The following COBL variants were observed in gnomAD, a reference collection of about 807,000 sequenced individuals.
COBL encodes protein cordon-bleu.
Under a neutral mutation model 98.8 loss-of-function variants are expected in COBL, and 51 were observed. The ratio of observed to expected loss-of-function variants is 0.52; its 90% CI spans 0.41 to 0.65. The LOEUF is 0.65. COBL is among the 30% of genes least tolerant of loss of function. The pLI is 0.00. For missense variants in COBL, 1,617 were observed against 1,617.5 expected, an observed-to-expected ratio of 1.00 and a Z score of 0.01; for synonymous variants, 634 against 651.7, an observed-to-expected ratio of 0.97 and a Z score of 0.41.
At chr7:51,036,292 G>A (rs1051497370) in intron 8 of COBL, among the ~76,000 whole-genome samples, 3 of 133,390 alleles carry the variant, frequency 2.2e-5, no homozygotes, top group Non-Finnish European at 4.5e-5. Flanking sequence ...AGCCAAGATC[G>A]CACCACTGCA....
intron 1 of COBL, among the ~76,000 whole-genome samples, chr7:51,262,291 C>CAGAGG (rs1197371391): frequency 7.2e-5 from 11 of 152,114 alleles, no homozygotes; most frequent in Non-Finnish European, 1.3e-4. Flanking sequence ...CAGGCAGGGA[C>CAGAGG]AGAGGAGGGG....
intron 1 of COBL, among the ~76,000 whole-genome samples, chr7:51,244,413 G>A (rs1330733626): frequency 6.6e-6 from 1 of 152,152 alleles, no homozygotes; most frequent in Non-Finnish European, 1.5e-5. Context: ...TCAATCACAC[G>A]GCCTTCTTTG....
chr7:51,063,513 G>A (rs190486364), intron 7 of COBL, among the ~76,000 whole-genome samples: 1 of 152,316 alleles, frequency 6.6e-6, no homozygotes, highest in East Asian at 1.9e-4. Context: ...GAGGGTTTGA[G>A]TGACTTCATT....
At chr7:51,222,961 C>T (rs1039522549) in intron 1 of COBL, among the ~76,000 whole-genome samples, 1 of 152,232 alleles carries the variant, frequency 6.6e-6, no homozygotes, top group South Asian at 2.1e-4. Context: ...TTTATCCACC[C>T]TCCCTCCCCA....
chr7:51,160,020 G>A (rs1002574234), intron 5 of COBL, among the ~76,000 whole-genome samples: 1 of 152,170 alleles, frequency 6.6e-6, no homozygotes, highest in Non-Finnish European at 1.5e-5. Context: ...AGCCTCCTGA[G>A]TAGCTGGGAC....
At chr7:51,039,511 G>A (rs1264187309) in intron 8 of COBL, among the ~76,000 whole-genome samples, 2 of 152,226 alleles carry the variant, frequency 1.3e-5, no homozygotes, top group Non-Finnish European at 2.9e-5. Context: ...GCTTTCGACA[G>A]GGTTCACTCC....
At chr7:51,263,341 A>G (rs1797890034) in intron 1 of COBL, among the ~76,000 whole-genome samples, 1 of 152,154 alleles carries the variant, frequency 6.6e-6, no homozygotes, top group Non-Finnish European at 1.5e-5. Flanking sequence ...AGAAGGAGGG[A>G]GCAAATGGAT....
intron 1 of COBL, among the ~76,000 whole-genome samples, chr7:51,301,310 C>T (rs1047445264): frequency 1.3e-5 from 2 of 152,208 alleles, no homozygotes; most frequent in Admixed American, 1.3e-4. Flanking sequence ...AGTGAGGGAA[C>T]TTCAACTACC....
chr7:51,285,427 G>A (rs1326188841), intron 1 of COBL, among the ~76,000 whole-genome samples: 1 of 147,688 alleles, frequency 6.8e-6, no homozygotes, highest in East Asian at 1.9e-4. Context: ...AGAGTTTAAA[G>A]CAAGCTCATG....
At chr7:51,201,069 T>C (rs917812025) in intron 2 of COBL, among the ~76,000 whole-genome samples, 5 of 151,908 alleles carry the variant, frequency 3.3e-5, no homozygotes, top group Admixed American at 1.3e-4. Context: ...TGAAACCCCA[T>C]CTTTACTAAA....
At chr7:51,262,131 C>T (rs1298409529) in intron 1 of COBL, among the ~76,000 whole-genome samples, 2 of 152,290 alleles carry the variant, frequency 1.3e-5, no homozygotes, top group Admixed American at 6.5e-5. Flanking sequence ...TCACCGCACT[C>T]ACCGCACAGC....
At chr7:51,060,445 AC>A (rs146053039) in intron 7 of COBL, among the ~76,000 whole-genome samples, 126 of 152,318 alleles carry the variant, frequency 8.3e-4, no homozygotes, top group African/African-American at 2.9e-3. Context: ...CACTGGTCTT[AC>A]CAAGTTCCCC....
chr7:51,147,065 A>C (rs1322748160), intron 5 of COBL, among the ~76,000 whole-genome samples: 1 of 152,184 alleles, frequency 6.6e-6, no homozygotes, highest in Admixed American at 6.5e-5. Flanking sequence ...AAGGCACTGC[A>C]GAGGGGAGGG....
intron 7 of COBL, among the ~76,000 whole-genome samples, chr7:51,077,566 C>T (rs571564533): frequency 1.3e-5 from 2 of 152,330 alleles, no homozygotes; most frequent in Admixed American, 1.3e-4. Context: ...AAAAAGGCTG[C>T]ACTTTGTCCA....
intron 6 of COBL, among the ~76,000 whole-genome samples, chr7:51,101,381 T>C (rs188463255): frequency 9.2e-5 from 14 of 152,370 alleles, no homozygotes; most frequent in Non-Finnish European, 8.8e-5. Context: ...GTATCTCATA[T>C]GACTCAAATC....
intron 1 of COBL, among the ~76,000 whole-genome samples, chr7:51,291,680 G>C (rs1800907981): frequency 6.6e-6 from 1 of 151,988 alleles, no homozygotes; most frequent in African/African-American, 2.4e-5. Flanking sequence ...GGAATCACTT[G>C]AACCCAGGAA....
chr7:51,294,767 T>C (rs1034421593), intron 1 of COBL, among the ~76,000 whole-genome samples: 2 of 152,170 alleles, frequency 1.3e-5, no homozygotes, highest in African/African-American at 4.8e-5. Context: ...AATATAAGCA[T>C]GTTTTTATAC....
rs1223948511 is a variant in COBL at position 51,205,631 on chromosome 7, TGTTTTTTG to T, written c.246-12050_246-12043del. 5.8e-4 allele frequency among the ~76,000 whole-genome samples: 84 copies of T among 143,810 alleles called. 1 individual carries two copies. In the East Asian group the frequency reaches 0.013, roughly 22 times the overall value. The allele number at this position is 143,810 out of a possible 152,430, so 94.3% of individuals were successfully genotyped here. A position where few individuals can be genotyped will look rare whatever the true frequency, so the allele number is the denominator to read the frequency against. Reference sequence around the variant, plus strand: ...GGGCAGTTTTTTGTTTGTTTGTTTTTGTTTTTTGGTTTTTTGTTTTTTTTTTTTTTACA... The same window carrying T: ...GGGCAGTTTTTTGTTTGTTTGTTTTTGTTTTTTGTTTTTTTTTTTTTTACA... On this transcript the variant is annotated intron_variant, in intron 2 of 12. Coordinates refer to ENST00000265136, the MANE Select transcript of COBL (RefSeq NM_015198.5).
In COBL at chr7:51,028,071, C is replaced by G. The variant is rs1295776104; in HGVS notation, c.3025G>C (p.Ala1009Pro). 2.5e-6 allele frequency: 4 copies of G among 1,613,152 alleles called. No homozygotes were observed. In the Admixed American group the frequency reaches 6.7e-5, roughly 27 times the overall value. Residue 1009 changes from alanine to proline, a missense_variant, in exon 10 of 13, where the codon GCA becomes CCA. Around this residue, in one of 3 missense-constraint regions of COBL, gnomAD observed 1,304 missense variants for 1,282.0 expected, o/e 1.02. Transcript: ENST00000265136. ...QSTSSQEASS[A>P]SEPRRAPDGT... The stretch of plus-strand genomic sequence containing the variant: ...TCAGGTGCGCGTCTGGGCTCAGATG[C>G]TGAGCTGGCCTCCTGGCTACTTGTG...
Sources: gnomAD v4.1 joint callset for allele counts (sites outside exome capture counted in the v4.1 genomes callset) on GRCh38, gnomAD v4.1.1 for gene constraint, gnomAD v4.1.1 regional missense constraint, MANE v1.5 for transcripts, NCBI Gene and HGNC (gene_info 2026-07-23, HGNC 2026-07-21) for gene names.